Variants in SLC44A1 observed in about 807,000 individuals in gnomAD.
The protein encoded by SLC44A1 is solute carrier family 44 member 1.
Under a neutral mutation model 79.3 loss-of-function variants are expected in SLC44A1, and 26 were observed. That is an observed-to-expected ratio of 0.33 (90% confidence interval 0.24 to 0.46). The LOEUF is 0.46. SLC44A1 is among the 20% of genes least tolerant of loss of function. SLC44A1 has a pLI of 1.00. For synonymous variants in SLC44A1, 263 were observed against 286.2 expected, an observed-to-expected ratio of 0.92 and a Z score of 0.82; for missense variants, 688 against 798.1, an observed-to-expected ratio of 0.86 and a Z score of 1.66.
At chr9:105,292,827 G>GTT (rs1167367082) in intron 1 of SLC44A1, among the ~76,000 whole-genome samples, 1 of 152,154 alleles carries the variant, frequency 6.6e-6, no homozygotes, top group Non-Finnish European at 1.5e-5. Flanking sequence ...TGCATCTCAA[G>GTT]TATTTTGTGT....
At chr9:105,246,384 T>TA (rs888488882) in intron 1 of SLC44A1, among the ~76,000 whole-genome samples, 1 of 152,070 alleles carries the variant, frequency 6.6e-6, no homozygotes, top group Non-Finnish European at 1.5e-5. Flanking sequence ...TTTTTTTTTT[T>TA]TTTTTGAGTG....
intron 1 of SLC44A1, among the ~76,000 whole-genome samples, chr9:105,266,026 T>C (rs1829954288): frequency 6.6e-6 from 1 of 152,176 alleles, no homozygotes; most frequent in South Asian, 2.1e-4. Flanking sequence ...GGTGCAATCA[T>C]AACTCACTGC....
At chr9:105,260,220 C>T (rs866252363) in intron 1 of SLC44A1, among the ~76,000 whole-genome samples, 29 of 152,236 alleles carry the variant, frequency 1.9e-4, no homozygotes, top group African/African-American at 6.3e-4. Flanking sequence ...CCTCCCAACC[C>T]CATTTGAAAA....
Position 105,425,894 on chromosome 9 carries a change from G to T in SLC44A1, c.1951-12387G>T, listed in dbSNP as rs1352717426. 2.6e-5 allele frequency among the ~76,000 whole-genome samples: 4 copies of T among 152,168 alleles called. No individual in the cohort carries two copies. The East Asian group carries it at 7.7e-4, about 29-fold the overall frequency. On this transcript the variant is annotated intron_variant, in intron 15 of 15. Coordinates refer to the SLC44A1 transcript ENST00000374724. The stretch of plus-strand genomic sequence containing the variant: ...GGCAGAAAATTCTTACTGGAAAGAT[G>T]GTCACTGGGACTCGTAATCAGCAAG...
intron 14 of SLC44A1, among the ~76,000 whole-genome samples, chr9:105,385,061 A>G (rs1828587933): frequency 6.6e-6 from 1 of 152,224 alleles, no homozygotes; most frequent in African/African-American, 2.4e-5. Context: ...TGTTTCATTT[A>G]ACCTTGATAT....
At chr9:105,328,399 C>G (rs748995717) in intron 3 of SLC44A1, among the ~76,000 whole-genome samples, 4 of 152,092 alleles carry the variant, frequency 2.6e-5, no homozygotes, top group Non-Finnish European at 5.9e-5. Context: ...TGAGTGAAGA[C>G]TTCAAAGGAG....
intron 1 of SLC44A1, among the ~76,000 whole-genome samples, chr9:105,265,735 G>A (rs968627493): frequency 2.6e-5 from 4 of 152,182 alleles, no homozygotes; most frequent in South Asian, 2.1e-4. Flanking sequence ...CATGAGCAAC[G>A]TATAAGAAGA....
At chr9:105,398,944 A>G (rs1828921455), downstream of SLC44A1, among the ~76,000 whole-genome samples, 1 of 152,210 alleles carries the variant, frequency 6.6e-6, no homozygotes, top group African/African-American at 2.4e-5. Context: ...TAAGAAAAAA[A>G]AATCGCACAC....
intron 1 of SLC44A1, among the ~76,000 whole-genome samples, chr9:105,294,091 G>A (rs953300841): frequency 3.3e-5 from 5 of 152,148 alleles, no homozygotes; most frequent in African/African-American, 1.2e-4. Context: ...GAATTCTCCA[G>A]TAGTAGTATT....
chr9:105,245,129 G>A (rs1024810642), intron 1 of SLC44A1, among the ~76,000 whole-genome samples: 4 of 151,966 alleles, frequency 2.6e-5, no homozygotes, highest in Non-Finnish European at 5.9e-5. Context: ...GGCGCCTAGT[G>A]CGCCCTCAGC....
At chr9:105,339,401 T>A (rs1827020227) in intron 4 of SLC44A1, among the ~76,000 whole-genome samples, 1 of 152,220 alleles carries the variant, frequency 6.6e-6, no homozygotes, top group African/African-American at 2.4e-5. Context: ...GTCCCACTTC[T>A]GAGAATATAT....
chr9:105,317,447 G>T (rs1219821446), intron 3 of SLC44A1, among the ~76,000 whole-genome samples: 1 of 152,046 alleles, frequency 6.6e-6, no homozygotes, highest in Non-Finnish European at 1.5e-5. Flanking sequence ...TTCAAGGCAG[G>T]GCTTGCATTT....
intron 12 of SLC44A1, among the ~76,000 whole-genome samples, chr9:105,366,689 T>C: frequency 6.6e-6 from 1 of 152,296 alleles, no homozygotes; most frequent in South Asian, 2.1e-4. Context: ...TATGTTATTA[T>C]TTTTATTTTA....
intron 2 of SLC44A1, among the ~76,000 whole-genome samples, chr9:105,302,657 T>C (rs1830910462): frequency 6.6e-6 from 1 of 151,106 alleles, no homozygotes; most frequent in Non-Finnish European, 1.5e-5. Context: ...CAGCCTAGAA[T>C]TAGCTGGGAT....
At chr9:105,245,115 GC>G (rs1003998484) in intron 1 of SLC44A1, among the ~76,000 whole-genome samples, 4 of 151,912 alleles carry the variant, frequency 2.6e-5, no homozygotes, top group African/African-American at 9.7e-5. Context: ...AGGCGCCTCT[GC>G]GCGGCGCCTA....
rs1564424966 is a variant in SLC44A1, at chr9:105,302,673, C to CAAAAA, written c.126+3364_126+3365insAAAAA. Among the ~76,000 whole-genome samples the CAAAAA allele has an allele frequency of 1.2e-3, 177 of 142,308 alleles. 1 individual carries two copies. Among genetic ancestry groups the CAAAAA allele is most frequent in the African/African-American group, 4.8e-3 (174 of 36,440 alleles). The allele number at this position is 142,308 out of a possible 152,430, so 93.4% of individuals were successfully genotyped here. ...AGCCTAGAATTAGCTGGGATCTTTTCTAAAAAAAAAAAAAAAACCTAATTC... is the reference window on the plus strand; with the variant it reads ...AGCCTAGAATTAGCTGGGATCTTTTCAAAAATAAAAAAAAAAAAAAAACCTAATTC... On this transcript the variant is annotated intron_variant, in intron 2 of 15. Coordinates refer to ENST00000374720, the MANE Select transcript of SLC44A1 (RefSeq NM_080546.5).
At chr9:105,281,859 A>G (rs2131254735) in intron 1 of SLC44A1, among the ~76,000 whole-genome samples, 1 of 152,316 alleles carries the variant, frequency 6.6e-6, no homozygotes, top group African/African-American at 2.4e-5. Flanking sequence ...TGGGAGCCAT[A>G]TTGTTTAAGT....
At chr9:105,324,504 C>T (rs1438029425) in intron 3 of SLC44A1, among the ~76,000 whole-genome samples, 1 of 152,038 alleles carries the variant, frequency 6.6e-6, no homozygotes, top group Non-Finnish European at 1.5e-5. Flanking sequence ...CCACCTGCCT[C>T]GGCCTCCCAA....
downstream of SLC44A1, among the ~76,000 whole-genome samples, chr9:105,401,967 T>G (rs998045501): frequency 2.0e-5 from 3 of 152,084 alleles, no homozygotes; most frequent in Non-Finnish European, 4.4e-5. Flanking sequence ...AGCTGAGTCT[T>G]GAAGGATAAG....
Sources: gnomAD v4.1 joint callset for allele counts (sites outside exome capture counted in the v4.1 genomes callset) on GRCh38, gnomAD v4.1.1 for gene constraint, MANE v1.5 for transcripts, NCBI Gene and HGNC (gene_info 2026-07-23, HGNC 2026-07-21) for gene names.